Variants in CCDC57 observed in about 807,000 individuals in gnomAD.
The protein encoded by CCDC57 is coiled-coil domain containing 57.
A neutral mutation model predicts 118.9 loss-of-function variants in CCDC57; 118 were observed. That is an observed-to-expected ratio of 0.99 (90% CI 0.86 to 1.16). The LOEUF (loss-of-function observed/expected upper bound fraction) is 1.16. Ranked by LOEUF, CCDC57 falls within the 50% of genes most tolerant of loss-of-function variation. The pLI, the probability that CCDC57 is intolerant of heterozygous loss-of-function variation, is 0.00. For missense variants in CCDC57, 1,300 were observed against 1,320.7 expected (o/e 0.98, Z 0.24); for synonymous variants, 527 against 532.9 (o/e 0.99, Z 0.15).
intron 13 of CCDC57, among the ~76,000 whole-genome samples, chr17:82,169,433 C>T (rs1470893731): frequency 6.6e-6 from 1 of 152,182 alleles, no homozygotes; most frequent in Non-Finnish European, 1.5e-5. Flanking sequence ...CCGGCAAAAA[C>T]CTCCCCTATT....
At chr17:82,178,887 T>C in intron 10 of CCDC57, 140 bp downstream of exon 9, 1 of 1,019,058 alleles carries the variant, frequency 9.8e-7, no homozygotes, top group Non-Finnish European at 1.4e-6. Flanking sequence ...TTTATTACTC[T>C]AATTTATTAC....
chr17:82,127,943 C>A (rs1390408155), intron 18 of CCDC57, 35 bp from the exon 18 acceptor site: 1 of 1,607,064 alleles, frequency 6.2e-7, no homozygotes, highest in Non-Finnish European at 8.5e-7. Context: ...AAGCCACCCT[C>A]TCCAACCCAG....
chr17:82,184,634 C>T (rs2146533789), intron 8 of CCDC57, among the ~76,000 whole-genome samples: 1 of 152,342 alleles, frequency 6.6e-6, no homozygotes. Context: ...TAGCATCACA[C>T]ACGACAGACC....
intron 16 of CCDC57, among the ~76,000 whole-genome samples, chr17:82,145,024 T>TCC (rs1477064503): frequency 9.9e-6 from 1 of 101,190 alleles, no homozygotes; most frequent in Admixed American, 1.3e-4. Context: ...CTTTTTTTTT[T>TCC]TCTTTTTTTT....
At chr17:82,107,988 T>C (rs982702281) in intron 19 of CCDC57, among the ~76,000 whole-genome samples, 2 of 152,166 alleles carry the variant, frequency 1.3e-5, no homozygotes, top group African/African-American at 4.8e-5. Context: ...GGTCAGCAAA[T>C]GCATGAGCAT....
At chr17:82,176,146 G>C (rs912515930) in intron 11 of CCDC57, among the ~76,000 whole-genome samples, 14 of 152,126 alleles carry the variant, frequency 9.2e-5, no homozygotes, top group African/African-American at 3.4e-4. Context: ...TGGGTGGAAG[G>C]CTGCCCTGCC....
At chr17:82,184,025 G>GCACACACACA (rs1432239867) in intron 8 of CCDC57, 93 bp from the exon 8 acceptor site, 14 of 388,398 alleles carry the variant, frequency 3.6e-5, no homozygotes, top group East Asian at 1.5e-4. Context: ...ATGCGCGCGC[G>GCACACACACA]CGCGCGCACA....
intron 7 of CCDC57, among the ~76,000 whole-genome samples, chr17:82,191,080 A>G (rs910911444): frequency 1.3e-5 from 2 of 151,816 alleles, no homozygotes; most frequent in African/African-American, 4.8e-5. Flanking sequence ...CAATCAAGTA[A>G]ATCATGAGTT....
chr17:82,210,283 A>G (rs1260972010), intron 1 of CCDC57, among the ~76,000 whole-genome samples: 1 of 152,088 alleles, frequency 6.6e-6, no homozygotes. Flanking sequence ...ATGTAGGAGT[A>G]ATGGAAACAG....
chr17:82,195,294 ATGT>A lies in CCDC57; in HGVS notation c.584_586del (p.Asn195del). 1.9e-6 allele frequency: 3 copies of A among 1,601,846 alleles called. No homozygotes were observed. The South Asian group carries it at 3.4e-5, about 18-fold the overall frequency. On this transcript the variant is annotated inframe_deletion, in exon 5 of 20. Transcript: ENST00000665763. ...CTCCCGGGACAAGGCTGTGTTGCTC[ATGT>A]TGTCAGCCTGCAGACGGAATTCGTG...
chr17:82,203,307 C>T (rs1375790242), intron 2 of CCDC57, among the ~76,000 whole-genome samples: 1 of 152,172 alleles, frequency 6.6e-6, no homozygotes, highest in Non-Finnish European at 1.5e-5. Context: ...CAACACTGTG[C>T]TTCCTGTACA....
At chr17:82,124,638 A>G (rs571534955) in intron 19 of CCDC57, among the ~76,000 whole-genome samples, 2 of 151,976 alleles carry the variant, frequency 1.3e-5, no homozygotes, top group East Asian at 3.9e-4. Flanking sequence ...ACAAAAAACT[A>G]AAACAATCTT....
intron 1 of CCDC57, among the ~76,000 whole-genome samples, chr17:82,209,341 G>A (rs1382025769): frequency 2.0e-5 from 3 of 152,122 alleles, no homozygotes; most frequent in East Asian, 1.9e-4. Flanking sequence ...TTAGAACCAC[G>A]TATACATGTT....
intron 2 of CCDC57, among the ~76,000 whole-genome samples, chr17:82,204,377 T>G (rs1221322817): frequency 6.6e-6 from 1 of 152,144 alleles, no homozygotes; most frequent in African/African-American, 2.4e-5. Flanking sequence ...CCTCTTGCTG[T>G]CTCCCACCTT....
chr17:82,193,644 G>A (rs1337546648), intron 7 of CCDC57, 112 bp downstream of exon 6: 23 of 859,482 alleles, frequency 2.7e-5, no homozygotes, highest in Non-Finnish European at 3.5e-5. Context: ...TCCCAGGTCC[G>A]ATCCCTGGAG....
rs1026893196 is a variant in CCDC57, at chr17:82,184,006, C to T, written c.1053-74G>A. 13 of 1,132,718 alleles carry T rather than the reference C, an allele frequency of 1.1e-5. No individual in the cohort carries two copies. In the African/African-American group the frequency reaches 1.7e-4, roughly 15 times the overall value. 70.2% of individuals were successfully genotyped at this position (1,132,718 alleles called of 1,614,324 possible). On this transcript the variant is annotated intron_variant, in intron 8 of 19. Transcript: ENST00000665763. ...TTGTCTCTTACACAGCACCCCCCAG[C>T]AAATACACATGCGCGCGCGCGCGCG...
chr17:82,197,880 C>T (rs1476442722), intron 4 of CCDC57, among the ~76,000 whole-genome samples: 6 of 152,230 alleles, frequency 3.9e-5, no homozygotes. Flanking sequence ...TGGACCAGGA[C>T]TCACATCAGT....
chr17:82,113,686 A>G (rs2035473172), intron 19 of CCDC57: 1 of 715,682 alleles, frequency 1.4e-6, no homozygotes, highest in African/African-American at 1.7e-5. Context: ...TCATCTCAGC[A>G]CTTTGGGAGG....
chr17:82,183,741 C>A (rs370756560), intron 9 of CCDC57, 33 bp downstream of exon 8: 79 of 1,546,608 alleles, frequency 5.1e-5, no homozygotes, highest in Non-Finnish European at 6.7e-5. Flanking sequence ...CATAGGAGAC[C>A]CTCAATGGAA....
Sources: gnomAD v4.1 joint callset for allele counts (sites outside exome capture counted in the v4.1 genomes callset) on GRCh38, gnomAD v4.1.1 for gene constraint, MANE v1.5 for transcripts, NCBI Gene and HGNC (gene_info 2026-07-23, HGNC 2026-07-21) for gene names.